The following TPD52 variants were observed in gnomAD, a reference collection of about 807,000 sequenced individuals.
TPD52 encodes the protein prostate and colon associated protein.
In TPD52, 17 loss-of-function variants were observed where a neutral mutation model predicts 31.3. That is an observed-to-expected ratio of 0.54 (90% CI 0.37 to 0.82). TPD52 has a LOEUF of 0.82. TPD52 is among the 40% of genes least tolerant of loss of function. The probability of loss-of-function intolerance (pLI) is 0.00; values close to 1 mark genes in which losing one functional copy is unlikely to be tolerated. For missense variants in TPD52, 212 were observed against 240.1 expected (o/e 0.88, Z 0.77); for synonymous variants, 83 against 89.6 (o/e 0.93, Z 0.42).
intron 1 of TPD52, among the ~76,000 whole-genome samples, chr8:80,157,911 A>G (rs1000369705): frequency 7.9e-5 from 12 of 152,200 alleles, no homozygotes; most frequent in African/African-American, 2.9e-4. Context: ...CATTAAAAGC[A>G]TCTTAACTAA....
chr8:80,160,305 A>T (rs1371602425), intron 1 of TPD52, among the ~76,000 whole-genome samples: 2 of 152,138 alleles, frequency 1.3e-5, no homozygotes, highest in Non-Finnish European at 2.9e-5. Flanking sequence ...ACATCTGGGG[A>T]AGTCGTGATC....
Position 80,034,936 on chromosome 8 carries a change from T to A in TPD52, c.*3180A>T, listed in dbSNP as rs549894360. The A allele has an allele frequency of 1.3e-5, 2 of 151,674 alleles. No homozygotes were observed. The highest frequency in any genetic ancestry group is 2.9e-5 in the Non-Finnish European group (2 of 68,042). The allele number at this position is 151,674 out of a possible 1,614,324, so 9.4% of individuals were successfully genotyped here. On this transcript the variant is annotated 3_prime_UTR_variant, in exon 8 of 8. Transcript: ENST00000518937. ...AGGCAAAAGCACTTGCAGACCCGAC[T>A]CTCTGAGAACTTACAAACAAAAAGT...
At chr8:80,100,241 A>G (rs1463460478) in intron 1 of TPD52, among the ~76,000 whole-genome samples, 2 of 152,196 alleles carry the variant, frequency 1.3e-5, no homozygotes, top group African/African-American at 2.4e-5. Context: ...TCTGAAATAA[A>G]CCAAAGTAAT....
At chr8:80,081,399 A>C (rs761770916) in intron 1 of TPD52, among the ~76,000 whole-genome samples, 22 of 146,796 alleles carry the variant, frequency 1.5e-4, no homozygotes, top group Non-Finnish European at 2.9e-4. Context: ...GTCTCTTAGC[A>C]GAACCTTTCT....
chr8:80,102,933 C>G (rs1806849683), intron 1 of TPD52, among the ~76,000 whole-genome samples: 1 of 152,146 alleles, frequency 6.6e-6, no homozygotes, highest in African/African-American at 2.4e-5. Flanking sequence ...CAAAACAGTT[C>G]TGGGAGCTTC....
intron 1 of TPD52, among the ~76,000 whole-genome samples, chr8:80,170,392 G>A (rs1318525210): frequency 6.6e-6 from 1 of 151,974 alleles, no homozygotes; most frequent in African/African-American, 2.4e-5. Flanking sequence ...CTCCAGCCTG[G>A]GCTACAGGTG....
Position 80,171,534 on chromosome 8 carries a change from C to G in TPD52, c.-91G>C. 1 of 1,417,548 alleles carries G rather than the reference C, an allele frequency of 7.1e-7. No homozygotes were observed. Among genetic ancestry groups the G allele is most frequent in the Non-Finnish European group, 9.1e-7 (1 of 1,093,716 alleles). The allele number at this position is 1,417,548 out of a possible 1,614,324, so 87.8% of individuals were successfully genotyped here. On this transcript the variant is annotated 5_prime_UTR_variant, in exon 1 of 8. Transcript: ENST00000518937. ...GCCCGCCGCGCCGCGCAGAGCTCCT[C>G]CTCGCCTCCGCCGGCGACTCCCGCG...
At chr8:80,061,023 G>A (rs974823389) in intron 2 of TPD52, among the ~76,000 whole-genome samples, 4 of 152,078 alleles carry the variant, frequency 2.6e-5, no homozygotes, top group African/African-American at 7.2e-5. Flanking sequence ...AAAGTAAAAC[G>A]ATGTTTAATC....
chr8:80,120,738 G>T (rs1180614699), intron 1 of TPD52, among the ~76,000 whole-genome samples: 1 of 152,086 alleles, frequency 6.6e-6, no homozygotes, highest in East Asian at 1.9e-4. Context: ...GCTTTCTTCA[G>T]TTGCCTTATG....
intron 1 of TPD52, among the ~76,000 whole-genome samples, chr8:80,102,737 A>G (rs1036585750): frequency 1.2e-4 from 18 of 152,178 alleles, no homozygotes; most frequent in African/African-American, 4.3e-4. Context: ...GTTCCTAGAT[A>G]GCCTCAAGAT....
intron 1 of TPD52, among the ~76,000 whole-genome samples, chr8:80,108,065 G>A (rs541269152): frequency 3.5e-4 from 54 of 152,296 alleles, no homozygotes; most frequent in Admixed American, 5.9e-4. Context: ...CGTGGGAGAA[G>A]GCATGGATGA....
downstream of TPD52, chr8:80,033,362 T>TA (rs2130286064): frequency 3.3e-5 from 5 of 152,326 alleles, no homozygotes; most frequent in South Asian, 1.0e-3. Flanking sequence ...CCGTTTGTGT[T>TA]ACAGCTCTTT....
At chr8:80,116,928 A>C (rs1490018101) in intron 1 of TPD52, among the ~76,000 whole-genome samples, 1 of 152,224 alleles carries the variant, frequency 6.6e-6, no homozygotes, top group African/African-American at 2.4e-5. Context: ...CAAGAGACAT[A>C]GAAAAAGCAT....
chr8:80,148,581 A>G (rs752817330), intron 1 of TPD52, among the ~76,000 whole-genome samples: 2 of 152,132 alleles, frequency 1.3e-5, no homozygotes, highest in African/African-American at 2.4e-5. Context: ...GCCTTTTTTT[A>G]ATTCTTTAAC....
chr8:80,158,028 A>C (rs1398175879), intron 1 of TPD52, among the ~76,000 whole-genome samples: 2 of 152,138 alleles, frequency 1.3e-5, no homozygotes, highest in African/African-American at 4.8e-5. Flanking sequence ...CATCCTCTCT[A>C]CTGAGGAACT....
rs182733582 is a variant in TPD52 at position 80,129,194 on chromosome 8, T to C, written c.19+42231A>G. On this transcript the variant is annotated intron_variant, in intron 1 of 7. Transcript: ENST00000518937. ...TTGGTTGTTCCCCACTATTCATATC[T>C]GCTTGCCTCAGAACATAAACTCTTT... Among the ~76,000 whole-genome samples, 630 of 152,310 alleles carry C rather than the reference T, an allele frequency of 4.1e-3. 7 individuals are homozygous for C. The highest frequency in any genetic ancestry group is 6.8e-3 in the Middle Eastern group (2 of 294).
chr8:80,097,851 G>C (rs1486117722), intron 1 of TPD52, among the ~76,000 whole-genome samples: 1 of 152,208 alleles, frequency 6.6e-6, no homozygotes, highest in South Asian at 2.1e-4. Flanking sequence ...AGTTAGAGAG[G>C]AGAAGTCAAT....
chr8:80,145,468 C>A (rs563519406), intron 1 of TPD52, among the ~76,000 whole-genome samples: 1 of 152,214 alleles, frequency 6.6e-6, no homozygotes, highest in African/African-American at 2.4e-5. Flanking sequence ...AATGCAAGAA[C>A]ACCTTCCCCT....
intron 1 of TPD52, chr8:80,080,512 T>C: frequency 6.3e-7 from 1 of 1,598,190 alleles, no homozygotes; most frequent in Non-Finnish European, 8.5e-7. Context: ...TTCAGTTGAG[T>C]GCCGCTTTGG....
Sources: gnomAD v4.1 joint callset for allele counts (sites outside exome capture counted in the v4.1 genomes callset) on GRCh38, gnomAD v4.1.1 for gene constraint, MANE v1.5 for transcripts, NCBI Gene and HGNC (gene_info 2026-07-23, HGNC 2026-07-21) for gene names.